NINJ2: variants seen among roughly 807,000 people sequenced by gnomAD.
NINJ2 encodes ninjurin-2.
NINJ2 carries 12 observed loss-of-function variants against 11.7 expected under a neutral mutation model. The observed-to-expected ratio is 1.02, with a 90% CI of 0.66 to 1.66. The LOEUF (loss-of-function observed/expected upper bound fraction) is 1.66. NINJ2 is among the 40% of genes most tolerant of loss of function. The pLI, the probability that NINJ2 is intolerant of heterozygous loss-of-function variation, is 0.00. For synonymous variants in NINJ2, 93 were observed against 76.8 expected, an observed-to-expected ratio of 1.21 and a Z score of -1.10; for missense variants, 187 against 181.8, an observed-to-expected ratio of 1.03 and a Z score of -0.16.
intron 1 of NINJ2, among the ~76,000 whole-genome samples, chr12:649,185 T>G (rs1415894773): frequency 6.6e-6 from 1 of 152,130 alleles, no homozygotes; most frequent in East Asian, 1.9e-4. Context: ...TAGCTGGGAT[T>G]ACAGGCATGC....
intron 1 of NINJ2, among the ~76,000 whole-genome samples, chr12:601,341 T>C (rs562582492): frequency 1.5e-3 from 206 of 138,670 alleles, no homozygotes; most frequent in Admixed American, 6.0e-3. Flanking sequence ...AGTCAGGAGA[T>C]CGAGACCATC....
chr12:653,910 A>C (rs1428657384), intron 1 of NINJ2, among the ~76,000 whole-genome samples: 2 of 152,212 alleles, frequency 1.3e-5, no homozygotes, highest in Admixed American at 6.5e-5. Context: ...AAAGATACAT[A>C]TAGATCAGCT....
chr12:651,590 A>G (rs147838350), intron 1 of NINJ2, among the ~76,000 whole-genome samples: 23 of 152,356 alleles, frequency 1.5e-4, no homozygotes, highest in Non-Finnish European at 2.8e-4. Flanking sequence ...AAAAACCACA[A>G]TTGGAAGAGA....
chr12:580,416 C>T lies in NINJ2; in HGVS notation c.34-14238G>A, dbSNP rs1248815308. On this transcript the variant is annotated intron_variant, in intron 1 of 3. Coordinates refer to ENST00000305108, the MANE Select transcript of NINJ2 (RefSeq NM_016533.6). This position sits in a 1 kb window ranked among gnomAD's most constrained non-coding sequence, Gnocchi z 4.7. ...GAGCCTGGGCAAAATGGTGAAACCC[C>T]ATCTCTACTAAAAATACAAAAATTA... Among the ~76,000 whole-genome samples the T allele has an allele frequency of 6.6e-6, 1 of 152,004 alleles. No individual in the cohort carries two copies. Among genetic ancestry groups the T allele is most frequent in the East Asian group, 1.9e-4 (1 of 5,200 alleles).
intron 1 of NINJ2, among the ~76,000 whole-genome samples, chr12:573,510 C>T (rs920102907): frequency 1.1e-4 from 16 of 151,964 alleles, no homozygotes; most frequent in Non-Finnish European, 1.8e-4. Flanking sequence ...ACCTCAGAGG[C>T]GGAGGTTGCA....
At chr12:570,573 C>G (rs1947362430) in intron 1 of NINJ2, among the ~76,000 whole-genome samples, 1 of 152,250 alleles carries the variant, frequency 6.6e-6, no homozygotes, top group African/African-American at 2.4e-5. Flanking sequence ...GGGTCGGGAA[C>G]AGAGACCCGG....
At position 589,522 on chromosome 12, in the gene NINJ2, C is replaced by A. The variant is rs555965432; in HGVS notation, c.34-23344G>T. The A allele has an allele frequency of 3.9e-5, 6 of 152,274 alleles. No individual in the cohort carries two copies. In the South Asian group the frequency reaches 1.2e-3, roughly 32 times the overall value. 9.4% of individuals were successfully genotyped at this position (152,274 alleles called of 1,614,324 possible). A position where few individuals can be genotyped will look rare whatever the true frequency, so the allele number is the denominator to read the frequency against. On this transcript the variant is annotated intron_variant, in intron 1 of 3. Transcript: ENST00000305108. Reference sequence around the variant, plus strand: ...TTTTCCCAATTGTAGGTTGTTTTCTCATGGGAGTTTGGTTTCAGTAAAAAC... The same window carrying A: ...TTTTCCCAATTGTAGGTTGTTTTCTAATGGGAGTTTGGTTTCAGTAAAAAC...
chr12:642,362 C>T (rs953712769), intron 1 of NINJ2, among the ~76,000 whole-genome samples: 6 of 152,210 alleles, frequency 3.9e-5, no homozygotes, highest in Non-Finnish European at 7.3e-5. Flanking sequence ...TCCAGGGTAG[C>T]TGGGACTACA....
intron 1 of NINJ2, among the ~76,000 whole-genome samples, chr12:636,949 G>C (rs956590324): frequency 3.9e-5 from 6 of 152,286 alleles, no homozygotes; most frequent in Admixed American, 2.6e-4. Context: ...AATGTTAATG[G>C]CAGCATGTTC....
chr12:631,748 A>G (rs2120433738), intron 1 of NINJ2, among the ~76,000 whole-genome samples: 1 of 152,290 alleles, frequency 6.6e-6, no homozygotes, highest in East Asian at 1.9e-4. Context: ...ATTGTAATTC[A>G]CAATCCCCTT....
intron 1 of NINJ2, among the ~76,000 whole-genome samples, chr12:638,525 C>T (rs1016892147): frequency 3.3e-5 from 5 of 152,240 alleles, no homozygotes; most frequent in African/African-American, 1.2e-4. Context: ...ACGCCATTCT[C>T]CTGCCTCAGC....
At chr12:575,715 T>C (rs568346678) in intron 1 of NINJ2, among the ~76,000 whole-genome samples, 1 of 152,270 alleles carries the variant, frequency 6.6e-6, no homozygotes, top group East Asian at 1.9e-4. Flanking sequence ...TGAATGATGA[T>C]CGCATTGAAT....
At chr12:613,879 C>T (rs1043930458) in intron 1 of NINJ2, among the ~76,000 whole-genome samples, 5 of 151,534 alleles carry the variant, frequency 3.3e-5, no homozygotes, top group South Asian at 4.2e-4. Context: ...CACTCCAGCC[C>T]GGGTGACAGA....
Position 611,447 on chromosome 12 carries a change from C to T in NINJ2, c.34-45269G>A, listed in dbSNP as rs116913072. 5.9e-3 allele frequency among the ~76,000 whole-genome samples: 900 copies of T among 152,264 alleles called. 2 individuals are homozygous for T. The highest frequency in any genetic ancestry group is 9.2e-3 in the Non-Finnish European group (625 of 68,024). Reference sequence around the variant, plus strand: ...CCACCTCCTGGGTTTACGCAATTCTCCTGCTTCAGCCTCCTGCATAGCTCA... The same window carrying T: ...CCACCTCCTGGGTTTACGCAATTCTTCTGCTTCAGCCTCCTGCATAGCTCA... On this transcript the variant is annotated intron_variant, in intron 1 of 3. Transcript: ENST00000305108.
chr12:575,023 T>C (rs187677510), intron 1 of NINJ2, among the ~76,000 whole-genome samples: 195 of 152,362 alleles, frequency 1.3e-3, no homozygotes, highest in African/African-American at 4.5e-3. Flanking sequence ...CGTGTGGGCC[T>C]AGAGGCATTT....
chr12:635,039 C>T lies in NINJ2; in HGVS notation c.33+28289G>A, dbSNP rs113841743. Among the ~76,000 whole-genome samples the T allele has an allele frequency of 7.1e-4, 108 of 152,062 alleles. 1 individual carries two copies. Among genetic ancestry groups the T allele is most frequent in the Non-Finnish European group, 1.3e-3 (87 of 67,972 alleles). On this transcript the variant is annotated intron_variant, in intron 1 of 3. Transcript: ENST00000305108. ...GGATTACAGGTGTCAATCACTACAC[C>T]CAGTCCCCATATACTTTTTTTTTTT...
chr12:593,294 A>G (rs55700042), intron 1 of NINJ2, among the ~76,000 whole-genome samples: 2,286 of 152,324 alleles, frequency 0.015, 26 homozygotes, highest in Non-Finnish European at 0.023. Context: ...CAATACATCA[A>G]CATTTACTAC....
At chr12:577,153 ACT>A (rs1408697407) in intron 1 of NINJ2, among the ~76,000 whole-genome samples, 2 of 151,416 alleles carry the variant, frequency 1.3e-5, no homozygotes, top group Non-Finnish European at 2.9e-5. Flanking sequence ...CCATACAACC[ACT>A]CTCTTTTTCA....
chr12:577,029 A>C (rs1034524182), intron 1 of NINJ2, among the ~76,000 whole-genome samples: 1 of 152,192 alleles, frequency 6.6e-6, no homozygotes, highest in African/African-American at 2.4e-5. Context: ...TAATAATTAA[A>C]TAATGATATT....
Sources: gnomAD v4.1 joint callset for allele counts (sites outside exome capture counted in the v4.1 genomes callset) on GRCh38, gnomAD v4.1.1 for gene constraint, Gnocchi (gnomAD v3.1) non-coding constraint, MANE v1.5 for transcripts, NCBI Gene and HGNC (gene_info 2026-07-23, HGNC 2026-07-21) for gene names.